The following NAA35 variants were observed in gnomAD, a reference collection of about 807,000 sequenced individuals.
NAA35 encodes the protein MAK10 homolog, amino-acid N-acetyltransferase subunit.
Under a neutral mutation model 101.7 loss-of-function variants are expected in NAA35, and 18 were observed. That is an observed-to-expected ratio of 0.18 (90% confidence interval 0.12 to 0.26). NAA35 has a LOEUF of 0.26. NAA35 is among the 10% of genes least tolerant of loss of function. The pLI, the probability that NAA35 is intolerant of heterozygous loss-of-function variation, is 1.00. For synonymous variants in NAA35, 267 were observed against 273.1 expected (o/e 0.98, Z 0.22); for missense variants, 601 against 886.8 (o/e 0.68, Z 4.09).
intron 2 of NAA35, among the ~76,000 whole-genome samples, chr9:85,944,263 G>A (rs767993418): frequency 2.0e-5 from 3 of 152,076 alleles, no homozygotes; most frequent in Admixed American, 2.0e-4. Flanking sequence ...AGAATTTTGG[G>A]GATTAAATGA....
Position 86,024,465 on chromosome 9 carries a change from G to T in NAA35, c.*2505G>T, listed in dbSNP as rs997484924. 2.0e-5 allele frequency among the ~76,000 whole-genome samples: 3 copies of T among 152,152 alleles called. No individual in the cohort carries two copies. Among genetic ancestry groups the T allele is most frequent in the Non-Finnish European group, 4.4e-5 (3 of 68,044 alleles). ...AAGGCTTGTATGCAGGGACATGATG[G>T]GATCAAGTCAAATCTGCTTGCCTGA... On this transcript the variant is annotated 3_prime_UTR_variant, in exon 23 of 23. Coordinates refer to ENST00000361671, the MANE Select transcript of NAA35 (RefSeq NM_024635.4).
chr9:85,965,307 A>G (rs1829696707), intron 6 of NAA35, among the ~76,000 whole-genome samples: 1 of 152,212 alleles, frequency 6.6e-6, no homozygotes. Flanking sequence ...AGACTAATTA[A>G]AAGATGTTAC....
At chr9:85,959,901 A>T (rs749350129) in intron 5 of NAA35, 34 bp downstream of exon 5, 2 of 1,487,018 alleles carry the variant, frequency 1.3e-6, no homozygotes, top group Non-Finnish European at 1.9e-6. Flanking sequence ...GGTTAATTTT[A>T]AAACTGTGAC....
chr9:85,941,217 C>A lies in NAA35; in HGVS notation c.-62C>A. ...GGGGCGGCGGCGGCCGAGGCGGCGT[C>A]GTTATTTCCGTGGTCCGGACAGTGC... On this transcript the variant is annotated 5_prime_UTR_variant, in exon 1 of 23. Transcript: ENST00000361671. 1 of 986,774 alleles carries A rather than the reference C, an allele frequency of 1.0e-6. No homozygotes were observed. The highest frequency in any genetic ancestry group is 4.6e-5 in the South Asian group (1 of 21,596). 61.1% of individuals were successfully genotyped at this position (986,774 alleles called of 1,614,324 possible).
At chr9:86,016,702 G>C in intron 18 of NAA35, 27 bp downstream of exon 18, 1 of 1,599,148 alleles carries the variant, frequency 6.3e-7, no homozygotes, top group Non-Finnish European at 8.5e-7. Context: ...TTAAACTTAA[G>C]AACAGAGTGT....
At chr9:85,944,301 A>G (rs1828659285) in intron 2 of NAA35, among the ~76,000 whole-genome samples, 2 of 152,236 alleles carry the variant, frequency 1.3e-5, no homozygotes, top group Admixed American at 1.3e-4. Flanking sequence ...ACTCTATAGT[A>G]GCATTCAATG....
At chr9:85,961,320 ACT>A (rs1286651010) in intron 5 of NAA35, among the ~76,000 whole-genome samples, 3 of 152,090 alleles carry the variant, frequency 2.0e-5, no homozygotes, top group African/African-American at 7.2e-5. Flanking sequence ...TTAAACTCTT[ACT>A]CTGTTTCTTT....
chr9:85,986,186 G>A (rs968068431), intron 11 of NAA35, among the ~76,000 whole-genome samples: 4 of 152,186 alleles, frequency 2.6e-5, no homozygotes, highest in Admixed American at 6.5e-5. Context: ...CAAATGGTTT[G>A]GGGTTGAATT....
intron 17 of NAA35, chr9:86,015,612 C>T: frequency 2.0e-6 from 1 of 498,332 alleles, no homozygotes; most frequent in Non-Finnish European, 2.6e-6. Context: ...TGAACTGCTG[C>T]TGGCCCAGAG....
intron 6 of NAA35, among the ~76,000 whole-genome samples, chr9:85,969,074 C>A (rs1398114064): frequency 1.3e-5 from 2 of 152,104 alleles, no homozygotes; most frequent in Non-Finnish European, 2.9e-5. Context: ...CAGTCTGCAT[C>A]ACTGTGTGCT....
At chr9:86,021,002 AG>A in intron 22 of NAA35, 33 bp downstream of exon 22, 1 of 1,491,780 alleles carries the variant, frequency 6.7e-7, no homozygotes. Context: ...AAGTGGTCTT[AG>A]ATTATTGTGA....
intron 2 of NAA35, among the ~76,000 whole-genome samples, chr9:85,943,178 A>G (rs900916905): frequency 6.6e-6 from 1 of 152,154 alleles, no homozygotes; most frequent in African/African-American, 2.4e-5. Flanking sequence ...CTTGAGGGGA[A>G]AGAGTCTAGG....
chr9:85,945,619 C>T (rs1190261684), intron 2 of NAA35, among the ~76,000 whole-genome samples: 1 of 151,742 alleles, frequency 6.6e-6, no homozygotes, highest in Non-Finnish European at 1.5e-5. Context: ...CCCGGGTTCA[C>T]GCCATTCTCC....
chr9:85,977,950 C>A (rs1449359636), intron 10 of NAA35, among the ~76,000 whole-genome samples: 1 of 147,842 alleles, frequency 6.8e-6, no homozygotes, highest in Non-Finnish European at 1.5e-5. Flanking sequence ...TTTTTCCTAC[C>A]TTGATGAATG....
chr9:85,991,814 G>A (rs577956958), intron 11 of NAA35, among the ~76,000 whole-genome samples: 1 of 152,190 alleles, frequency 6.6e-6, no homozygotes, highest in African/African-American at 2.4e-5. Flanking sequence ...GATTGTTAAG[G>A]GTCTTGTGAT....
intron 15 of NAA35, 76 bp downstream of exon 15, chr9:86,010,007 T>C: frequency 8.4e-7 from 1 of 1,184,228 alleles, no homozygotes; most frequent in Non-Finnish European, 1.3e-6. Flanking sequence ...GTGGCTCACT[T>C]TGGGAGGCTG....
intron 22 of NAA35, 99 bp from the exon 23 acceptor site, chr9:86,021,802 C>G (rs2038522351): frequency 1.1e-5 from 11 of 1,018,120 alleles, no homozygotes; most frequent in Non-Finnish European, 7.2e-6. Flanking sequence ...TGCCTTGTTT[C>G]TAAGAACACA....
chr9:85,954,309 G>A (rs984685977), intron 2 of NAA35, among the ~76,000 whole-genome samples: 3 of 152,118 alleles, frequency 2.0e-5, no homozygotes, highest in African/African-American at 4.8e-5. Flanking sequence ...TCTTGAACTC[G>A]CGGGCTTAGG....
In NAA35 at chr9:86,001,646, C is replaced by T. The variant is rs558580127; in HGVS notation, c.1057-1939C>T. On this transcript the variant is annotated intron_variant, in intron 12 of 22. Transcript: ENST00000361671. Reference sequence around the variant, plus strand: ...AATACCCTTCCTTGTCTTATTTGATCTTTGTTGGTGTGAAATCTGTTTTGT... The same window carrying T: ...AATACCCTTCCTTGTCTTATTTGATTTTTGTTGGTGTGAAATCTGTTTTGT... Among the ~76,000 whole-genome samples the T allele has an allele frequency of 1.4e-3, 213 of 152,264 alleles. No homozygotes were observed. The Middle Eastern group carries it at 0.024, about 17-fold the overall frequency.
Sources: allele counts gnomAD v4.1 joint callset (sites outside exome capture counted in the v4.1 genomes callset), GRCh38; gene constraint gnomAD v4.1.1; transcripts MANE v1.5; gene names NCBI Gene and HGNC (gene_info 2026-07-23, HGNC 2026-07-21).